GALNT17: variants seen among roughly 807,000 people sequenced by gnomAD.
GALNT17 encodes UDP-GalNAc:polypeptide N-acetylgalactosaminyltransferase-like 3.
GALNT17 carries 29 observed loss-of-function variants against 63.7 expected under a neutral mutation model. The observed-to-expected ratio is 0.46, with a 90% CI of 0.34 to 0.62. The LOEUF (loss-of-function observed/expected upper bound fraction) is 0.62, where lower values mean the gene tolerates loss of function less well. Among genes scored for constraint, GALNT17 ranks in the 20% least tolerant of loss-of-function variants. GALNT17 has a pLI of 0.01. For missense variants in GALNT17, 603 were observed against 799.6 expected, an observed-to-expected ratio of 0.75 and a Z score of 2.97; for synonymous variants, 305 against 318.3, an observed-to-expected ratio of 0.96 and a Z score of 0.45.
intron 3 of GALNT17, among the ~76,000 whole-genome samples, chr7:71,406,364 G>C (rs1793328841): frequency 6.6e-6 from 1 of 152,088 alleles, no homozygotes; most frequent in African/African-American, 2.4e-5. Flanking sequence ...TCATCTGATG[G>C]CCCCTTGTTG....
At chr7:71,599,018 G>T (rs1562705534) in intron 6 of GALNT17, among the ~76,000 whole-genome samples, 1 of 152,222 alleles carries the variant, frequency 6.6e-6, no homozygotes, top group African/African-American at 2.4e-5. Flanking sequence ...GGTCTGGAAA[G>T]AAATGGGTTT....
At chr7:71,455,022 G>A (rs1563105420) in intron 5 of GALNT17, among the ~76,000 whole-genome samples, 1 of 152,014 alleles carries the variant, frequency 6.6e-6, no homozygotes, top group Non-Finnish European at 1.5e-5. Context: ...ACAAAAATTA[G>A]CCAGGTGTGG....
In GALNT17 at chr7:71,497,496, G is replaced by A. The variant is rs114340765; in HGVS notation, c.963-73789G>A. On this transcript the variant is annotated intron_variant, in intron 5 of 10. Transcript: ENST00000333538. ...TTCTTTTAAGGACAGTGAGCACACC[G>A]AATTACGGCCCACTCTAATACCCTC... Among the ~76,000 whole-genome samples, 858 of 152,226 alleles carry A rather than the reference G, an allele frequency of 5.6e-3. 13 individuals are homozygous for A. The highest frequency in any genetic ancestry group is 0.02 in the African/African-American group (820 of 41,524).
intron 5 of GALNT17, among the ~76,000 whole-genome samples, chr7:71,551,917 A>C (rs1475067646): frequency 1.3e-5 from 2 of 152,162 alleles, no homozygotes; most frequent in Non-Finnish European, 2.9e-5. Context: ...CCCTTAATGG[A>C]AATGCAAGGT....
intron 6 of GALNT17, among the ~76,000 whole-genome samples, chr7:71,622,173 C>A (rs142435076): frequency 6.6e-6 from 1 of 152,182 alleles, no homozygotes; most frequent in South Asian, 2.1e-4. Flanking sequence ...ACAAAATCTG[C>A]GGGAATGGAA....
chr7:71,263,782 G>A (rs543137153), intron 1 of GALNT17, among the ~76,000 whole-genome samples: 7 of 152,086 alleles, frequency 4.6e-5, no homozygotes, highest in South Asian at 4.2e-4. Context: ...AAAGTTAGCC[G>A]GCGTGGTGGC....
At chr7:71,188,426 G>C (rs1272121687) in intron 1 of GALNT17, among the ~76,000 whole-genome samples, 1 of 152,084 alleles carries the variant, frequency 6.6e-6, no homozygotes, top group African/African-American at 2.4e-5. Context: ...GGCGATTCTT[G>C]CGGGAGTCAG....
At chr7:71,390,174 C>A (rs1000992821) in intron 3 of GALNT17, among the ~76,000 whole-genome samples, 3 of 152,196 alleles carry the variant, frequency 2.0e-5, no homozygotes, top group South Asian at 2.1e-4. Context: ...TTCCTTTCAT[C>A]GTGCTGGGTA....
intron 1 of GALNT17, among the ~76,000 whole-genome samples, chr7:71,301,870 G>A (rs1279175554): frequency 6.6e-6 from 1 of 152,200 alleles, no homozygotes; most frequent in Non-Finnish European, 1.5e-5. Context: ...GGCGGTTTCT[G>A]CTTTATATGC....
chr7:71,238,236 T>C (rs1194679896), intron 1 of GALNT17, among the ~76,000 whole-genome samples: 2 of 152,176 alleles, frequency 1.3e-5, no homozygotes, highest in Non-Finnish European at 2.9e-5. Flanking sequence ...GCAGTTACTT[T>C]CTTTTGCAGT....
rs374223168 is a variant in GALNT17 at position 71,571,275 on chromosome 7, C to T, written c.963-10C>T. Reference sequence around the variant, plus strand: ...CCTCAATGAGCTTCCCTTCTTTCTCCCTCCCTCAGGACCCCAGCCATGATA... The same window carrying T: ...CCTCAATGAGCTTCCCTTCTTTCTCTCTCCCTCAGGACCCCAGCCATGATA... On this transcript the variant is annotated splice_polypyrimidine_tract_variant and intron_variant, in intron 5 of 10. Transcript: ENST00000333538. The T allele has an allele frequency of 1.9e-6, 3 of 1,613,148 alleles. No homozygotes were observed. The highest frequency in any genetic ancestry group is 2.5e-6 in the Non-Finnish European group (3 of 1,179,274).
intron 5 of GALNT17, among the ~76,000 whole-genome samples, chr7:71,474,763 C>T (rs1583985155): frequency 6.6e-6 from 1 of 152,188 alleles, no homozygotes; most frequent in Admixed American, 6.5e-5. Flanking sequence ...AAGATACCCA[C>T]ATTCCAATCC....
chr7:71,285,719 T>C (rs1790861177), intron 1 of GALNT17, among the ~76,000 whole-genome samples: 1 of 151,918 alleles, frequency 6.6e-6, no homozygotes, highest in Non-Finnish European at 1.5e-5. Context: ...AGACAGTATC[T>C]ATGAACCAGG....
intron 2 of GALNT17, among the ~76,000 whole-genome samples, chr7:71,359,443 A>G (rs1792356209): frequency 1.3e-5 from 2 of 152,146 alleles, no homozygotes; most frequent in Admixed American, 6.5e-5. Context: ...ACCCACTACC[A>G]TGAGGATAGC....
intron 2 of GALNT17, among the ~76,000 whole-genome samples, chr7:71,386,187 G>A (rs553882922): frequency 6.6e-6 from 1 of 152,294 alleles, no homozygotes; most frequent in East Asian, 1.9e-4. Context: ...ATCCCTGGAC[G>A]ATCTTCTCCA....
At chr7:71,177,838 G>C (rs1449098832) in intron 1 of GALNT17, among the ~76,000 whole-genome samples, 2 of 152,106 alleles carry the variant, frequency 1.3e-5, no homozygotes, top group Non-Finnish European at 2.9e-5. Flanking sequence ...CAAGAAACTG[G>C]AGTATAGCTA....
intron 1 of GALNT17, among the ~76,000 whole-genome samples, chr7:71,213,885 TAC>T (rs1486121875): frequency 6.6e-6 from 1 of 152,240 alleles, no homozygotes; most frequent in Non-Finnish European, 1.5e-5. Flanking sequence ...AGCCTGTTCC[TAC>T]CATAGTATTA....
At chr7:71,288,564 GT>G (rs2115801222) in intron 1 of GALNT17, among the ~76,000 whole-genome samples, 1 of 152,292 alleles carries the variant, frequency 6.6e-6, no homozygotes, top group African/African-American at 2.4e-5. Flanking sequence ...TCGGAAGCAG[GT>G]TGCAAACTTT....
chr7:71,278,492 T>C (rs1031879748), intron 1 of GALNT17, among the ~76,000 whole-genome samples: 41 of 152,248 alleles, frequency 2.7e-4, no homozygotes, highest in Non-Finnish European at 2.8e-4. Flanking sequence ...TACTCCAATC[T>C]CTGCCTCTGT....
Sources: allele counts gnomAD v4.1 joint callset (sites outside exome capture counted in the v4.1 genomes callset), GRCh38; gene constraint gnomAD v4.1.1; transcripts MANE v1.5; gene names NCBI Gene and HGNC (gene_info 2026-07-23, HGNC 2026-07-21).